Variants in TAF4B observed in about 807,000 individuals in gnomAD.
TAF4B encodes transcription initiation factor TFIID subunit 4B.
In TAF4B, 38 loss-of-function variants were observed where a neutral mutation model predicts 86.4. The ratio of observed to expected loss-of-function variants is 0.44; its 90% CI spans 0.34 to 0.58. The LOEUF is 0.58. TAF4B is among the 20% of genes least tolerant of loss of function. The pLI is 0.02. For missense variants in TAF4B, 988 were observed against 1,027.6 expected (o/e 0.96, Z 0.53); for synonymous variants, 388 against 391.2 (o/e 0.99, Z 0.10).
intron 3 of TAF4B, among the ~76,000 whole-genome samples, chr18:26,271,793 G>C (rs532927467): frequency 1.3e-5 from 2 of 151,894 alleles, no homozygotes; most frequent in Non-Finnish European, 2.9e-5. Flanking sequence ...GTGGTGTGGT[G>C]GGGGGCGGCT....
chr18:26,318,934 C>T (rs2144672210), intron 10 of TAF4B, among the ~76,000 whole-genome samples: 1 of 152,348 alleles, frequency 6.6e-6, no homozygotes, highest in Admixed American at 6.5e-5. Context: ...TGCCTTGCAC[C>T]TGTAATCCCA....
chr18:26,380,161 A>G (rs1420956266), intron 14 of TAF4B, among the ~76,000 whole-genome samples: 2 of 152,096 alleles, frequency 1.3e-5, no homozygotes, highest in Non-Finnish European at 2.9e-5. Flanking sequence ...CTTGCCTTAG[A>G]GCACTGGCTA....
intron 14 of TAF4B, among the ~76,000 whole-genome samples, chr18:26,360,545 C>T (rs976566380): frequency 6.6e-6 from 1 of 152,000 alleles, no homozygotes; most frequent in African/African-American, 2.4e-5. Flanking sequence ...TTTAGAAGGC[C>T]CTTTCTTAAT....
At chr18:26,361,473 TGATGGCTCACACCTG>T (rs1391557337) in intron 14 of TAF4B, among the ~76,000 whole-genome samples, 10 of 151,508 alleles carry the variant, frequency 6.6e-5, no homozygotes, top group Non-Finnish European at 1.3e-4. Context: ...TGGCCAGGCA[TGATGGCTCACACCTG>T]TAATCCCAGC....
chr18:26,354,834 A>G (rs2057274441), intron 13 of TAF4B, among the ~76,000 whole-genome samples: 1 of 152,224 alleles, frequency 6.6e-6, no homozygotes, highest in Admixed American at 6.5e-5. Context: ...ATTGCATGGT[A>G]TGATTCTTCC....
intron 10 of TAF4B, among the ~76,000 whole-genome samples, chr18:26,316,171 T>C (rs1568148886): frequency 6.6e-6 from 1 of 152,114 alleles, no homozygotes; most frequent in Non-Finnish European, 1.5e-5. Context: ...GGGCCAGTAC[T>C]AATGAGCTTC....
At chr18:26,355,873 G>A (rs1228086978) in intron 13 of TAF4B, among the ~76,000 whole-genome samples, 4 of 152,296 alleles carry the variant, frequency 2.6e-5, no homozygotes, top group African/African-American at 7.2e-5. Context: ...AAAAAGGCCA[G>A]CAGCAACAAG....
chr18:26,320,481 ATAGG>A (rs1192578007), intron 10 of TAF4B, among the ~76,000 whole-genome samples: 1 of 152,214 alleles, frequency 6.6e-6, no homozygotes, highest in Non-Finnish European at 1.5e-5. Flanking sequence ...AGTTATTCAG[ATAGG>A]TAGGTGAAAC....
At chr18:26,247,274 A>C (rs1406828799) in intron 1 of TAF4B, among the ~76,000 whole-genome samples, 1 of 152,222 alleles carries the variant, frequency 6.6e-6, no homozygotes, top group Non-Finnish European at 1.5e-5. Flanking sequence ...CATATCACAG[A>C]ATTCTGGGGA....
chr18:26,267,700 T>C, intron 3 of TAF4B, 77 bp downstream of exon 3: 4 of 987,190 alleles, frequency 4.1e-6, no homozygotes, highest in Non-Finnish European at 6.4e-6. Flanking sequence ...TCCTGTTAGA[T>C]ATGTAAGTTA....
chr18:26,259,556 A>T (rs542444580), intron 1 of TAF4B, among the ~76,000 whole-genome samples: 27 of 152,016 alleles, frequency 1.8e-4, no homozygotes, highest in African/African-American at 6.0e-4. Context: ...TCCTTACAAT[A>T]GTTTGCTGAG....
At chr18:26,345,580 A>G (rs1419134305) in intron 13 of TAF4B, among the ~76,000 whole-genome samples, 3 of 152,214 alleles carry the variant, frequency 2.0e-5, no homozygotes, top group Non-Finnish European at 4.4e-5. Context: ...GCATTTGCAT[A>G]TGTCACTAGT....
At chr18:26,282,361 A>G (rs761932678) in intron 6 of TAF4B, among the ~76,000 whole-genome samples, 2 of 152,240 alleles carry the variant, frequency 1.3e-5, no homozygotes, top group East Asian at 1.9e-4. Flanking sequence ...TCAGACCACC[A>G]TAAGAAAGCT....
chr18:26,366,340 T>G (rs2057371044), intron 14 of TAF4B: 1 of 152,230 alleles, frequency 6.6e-6, no homozygotes, highest in African/African-American at 2.4e-5. Flanking sequence ...TGTTATCTTG[T>G]GCAGGGACCA....
intron 13 of TAF4B, among the ~76,000 whole-genome samples, chr18:26,342,608 G>C (rs1239770752): frequency 6.6e-6 from 1 of 152,096 alleles, no homozygotes; most frequent in African/African-American, 2.4e-5. Context: ...TTGATTAAAG[G>C]CTGTACTACC....
At chr18:26,295,078 A>G (rs1368788595) in intron 9 of TAF4B, 1 of 165,928 alleles carries the variant, frequency 6.0e-6, no homozygotes, top group Non-Finnish European at 1.2e-5. Context: ...TATATATAAT[A>G]TATATATTAA....
intron 1 of TAF4B, among the ~76,000 whole-genome samples, chr18:26,252,616 T>C (rs963555695): frequency 2.6e-5 from 4 of 151,956 alleles, no homozygotes; most frequent in Non-Finnish European, 4.4e-5. Flanking sequence ...CTTTGTCCAG[T>C]GTATTGACAC....
chr18:26,247,128 T>C (rs747142067), intron 1 of TAF4B, among the ~76,000 whole-genome samples: 24 of 151,014 alleles, frequency 1.6e-4, no homozygotes, highest in Non-Finnish European at 2.4e-4. Flanking sequence ...GCCTCCCAAA[T>C]TGCTGGGATT....
chr18:26,238,191 G>A (rs1428703562), intron 1 of TAF4B, among the ~76,000 whole-genome samples: 3 of 152,062 alleles, frequency 2.0e-5, no homozygotes, highest in South Asian at 2.1e-4. Flanking sequence ...ACACATTTTC[G>A]AAAACCTGTT....
Sources: allele counts gnomAD v4.1 joint callset (sites outside exome capture counted in the v4.1 genomes callset), GRCh38; gene constraint gnomAD v4.1.1; transcripts MANE v1.5; gene names NCBI Gene and HGNC (gene_info 2026-07-23, HGNC 2026-07-21).